The following FGF10 variants were observed in gnomAD, a reference collection of about 807,000 sequenced individuals.
The protein encoded by FGF10 is FGF-10.
Under a neutral mutation model 19.8 loss-of-function variants are expected in FGF10, and 2 were observed. That is an observed-to-expected ratio of 0.10 (90% confidence interval 0.04 to 0.32). The LOEUF is 0.32. FGF10 is among the 10% of genes least tolerant of loss of function. The probability of loss-of-function intolerance (pLI) is 1.00; values close to 1 mark genes in which losing one functional copy is unlikely to be tolerated. For missense variants in FGF10, 191 were observed against 246.3 expected, an observed-to-expected ratio of 0.78 and a Z score of 1.50; for synonymous variants, 112 against 94.0, an observed-to-expected ratio of 1.19 and a Z score of -1.10.
intron 1 of FGF10, among the ~76,000 whole-genome samples, chr5:44,337,969 T>C (rs1740891060): frequency 6.6e-6 from 1 of 152,088 alleles, no homozygotes; most frequent in African/African-American, 2.4e-5. Context: ...ACAATTATTA[T>C]GTGTAATGAT....
rs375182017 is a variant in FGF10 at position 44,376,744 on chromosome 5, A to G, written c.325+11614T>C. Among the ~76,000 whole-genome samples the G allele has an allele frequency of 2.0e-5, 3 of 151,994 alleles. No individual in the cohort carries two copies. The South Asian group carries it at 6.2e-4, about 31-fold the overall frequency. ...AACTCTTCTTTTCCATGTCCCTAGTATAAAATTAGTTCTTTTTTCTTTTGA... is the reference window on the plus strand; with the variant it reads ...AACTCTTCTTTTCCATGTCCCTAGTGTAAAATTAGTTCTTTTTTCTTTTGA... On this transcript the variant is annotated intron_variant, in intron 1 of 2. Coordinates refer to ENST00000264664, the MANE Select transcript of FGF10 (RefSeq NM_004465.2).
intron 1 of FGF10, among the ~76,000 whole-genome samples, chr5:44,343,355 T>C (rs1741013902): frequency 6.6e-6 from 1 of 151,984 alleles, no homozygotes; most frequent in Admixed American, 6.6e-5. Flanking sequence ...CCATAGGAAA[T>C]ACGACTGAAG....
At chr5:44,306,568 G>A (rs1260360373) in intron 2 of FGF10, among the ~76,000 whole-genome samples, 2 of 152,184 alleles carry the variant, frequency 1.3e-5, no homozygotes, top group African/African-American at 2.4e-5. Context: ...GTACTTGGCA[G>A]TTTCTCTCAC....
intron 1 of FGF10, among the ~76,000 whole-genome samples, chr5:44,333,579 C>A (rs986337123): frequency 6.6e-6 from 1 of 152,054 alleles, no homozygotes; most frequent in Non-Finnish European, 1.5e-5. Flanking sequence ...ATTATATTCT[C>A]CATTATATAC....
rs774897958 is a variant in FGF10, at chr5:44,304,972, G to A, written c.*23C>T. 1 of 1,609,204 alleles carries A rather than the reference G, an allele frequency of 6.2e-7. No homozygotes were observed. Among genetic ancestry groups the A allele is most frequent in the South Asian group, 1.1e-5 (1 of 90,940 alleles). On this transcript the variant is annotated 3_prime_UTR_variant, in exon 3 of 3. Coordinates refer to ENST00000264664, the MANE Select transcript of FGF10 (RefSeq NM_004465.2). ...TGGCAAAAGAGCCATTGGTTCTACT[G>A]CATCCACAAACGTTGCCTTCCTCTA...
chr5:44,375,834 G>T (rs1178461015), intron 1 of FGF10, among the ~76,000 whole-genome samples: 2 of 152,028 alleles, frequency 1.3e-5, no homozygotes, highest in Non-Finnish European at 2.9e-5. Context: ...ACTGGCCTAG[G>T]TTTTATCCTC....
In FGF10 at chr5:44,300,985, C is replaced by A. The variant is rs1256050518; in HGVS notation, c.*4010G>T. Among the ~76,000 whole-genome samples, 1 of 151,940 alleles carries A rather than the reference C, an allele frequency of 6.6e-6. No individual in the cohort carries two copies. Among genetic ancestry groups the A allele is most frequent in the Admixed American group, 6.6e-5 (1 of 15,222 alleles). On this transcript the variant is annotated 3_prime_UTR_variant, in exon 3 of 3. Transcript: ENST00000264664. ...GTAGACTAGAAGCAATCTGGCCTAA[C>A]CAAATAAAACCAATGAAGGGTAACA... is the stretch of plus-strand genomic sequence containing the variant.
intron 1 of FGF10, among the ~76,000 whole-genome samples, chr5:44,324,541 C>G (rs967140688): frequency 6.6e-6 from 1 of 152,028 alleles, no homozygotes; most frequent in African/African-American, 2.4e-5. Flanking sequence ...AAGAAAGACT[C>G]TCTTAATATT....
At chr5:44,368,671 T>G (rs1386893538) in intron 1 of FGF10, among the ~76,000 whole-genome samples, 2 of 152,174 alleles carry the variant, frequency 1.3e-5, no homozygotes, top group African/African-American at 4.8e-5. Context: ...GTCAATTTTT[T>G]TGTTGTTTTG....
At chr5:44,381,793 T>A (rs2111920573) in intron 1 of FGF10, among the ~76,000 whole-genome samples, 1 of 152,310 alleles carries the variant, frequency 6.6e-6, no homozygotes, top group Non-Finnish European at 1.5e-5. Flanking sequence ...AAGTTCTAAA[T>A]CTTGCAGCAA....
At chr5:44,375,239 T>C (rs1460846365) in intron 1 of FGF10, among the ~76,000 whole-genome samples, 1 of 152,134 alleles carries the variant, frequency 6.6e-6, no homozygotes, top group Non-Finnish European at 1.5e-5. Context: ...AAGTTTTCTG[T>C]TTATGAGGAA....
intron 1 of FGF10, among the ~76,000 whole-genome samples, chr5:44,358,529 T>C (rs182014712): frequency 1.6e-3 from 249 of 151,680 alleles, no homozygotes; most frequent in African/African-American, 5.9e-3. Flanking sequence ...GACAGCTAGC[T>C]GCTTTCTTGC....
chr5:44,388,363 G>A lies in FGF10; in HGVS notation c.320C>T (p.Pro107Leu), dbSNP rs200701392. 4 of 1,612,926 alleles carry A rather than the reference G, an allele frequency of 2.5e-6. No individual in the cohort carries two copies. In the South Asian group the frequency reaches 3.3e-5, roughly 13 times the overall value. The part of the protein sequence containing the change: ...KVSGTKKENC[P>L]YSILEITSVE... ...AGCATGCATTTGTTACTTACTGTAC[G>A]GGCAGTTCTCCTTCTTGGTCCCGCT... The change falls in exon 1 of 3, where the codon CCG (proline) becomes CTG (leucine). Residue 107 changes from proline to leucine, a missense_variant. Coordinates refer to ENST00000264664, the MANE Select transcript of FGF10 (RefSeq NM_004465.2).
At chr5:44,388,178 G>A (rs912752588) in intron 1 of FGF10, among the ~76,000 whole-genome samples, 180 bp downstream of exon 1, 1 of 151,682 alleles carries the variant, frequency 6.6e-6, no homozygotes, top group Non-Finnish European at 1.5e-5. Context: ...GAGGGGATGC[G>A]GCAGCACAAT....
chr5:44,338,291 T>C (rs1740896607), intron 1 of FGF10, among the ~76,000 whole-genome samples: 1 of 152,222 alleles, frequency 6.6e-6, no homozygotes, highest in Non-Finnish European at 1.5e-5. Context: ...GTTATTTTTA[T>C]TTTCTTTGTA....
intron 1 of FGF10, among the ~76,000 whole-genome samples, chr5:44,342,672 A>G (rs1740996663): frequency 1.3e-5 from 2 of 151,882 alleles, no homozygotes; most frequent in Non-Finnish European, 2.9e-5. Flanking sequence ...CCTTGCCCAC[A>G]CTAAAGTTCA....
intron 1 of FGF10, among the ~76,000 whole-genome samples, chr5:44,358,757 G>T (rs552383420): frequency 2.6e-5 from 4 of 151,594 alleles, no homozygotes; most frequent in African/African-American, 9.6e-5. Context: ...ATTAAAGCCA[G>T]ACATGTAGAC....
In FGF10 at chr5:44,307,650, C is replaced by T. The variant is rs557495580; in HGVS notation, c.430-2458G>A. Reference sequence around the variant, plus strand: ...CAAGTCAGATTTTTAGGAGGGCTTACGGAATTGATGGATACTGTATGAAAC... The same window carrying T: ...CAAGTCAGATTTTTAGGAGGGCTTATGGAATTGATGGATACTGTATGAAAC... On this transcript the variant is annotated intron_variant, in intron 2 of 2. Coordinates refer to ENST00000264664, the MANE Select transcript of FGF10 (RefSeq NM_004465.2). Among the ~76,000 whole-genome samples the T allele has an allele frequency of 1.2e-4, 19 of 152,034 alleles. No individual in the cohort carries two copies. In the East Asian group the frequency reaches 1.4e-3, roughly 11 times the overall value.
intron 1 of FGF10, among the ~76,000 whole-genome samples, chr5:44,348,120 T>C (rs1561209683): frequency 1.3e-5 from 2 of 151,708 alleles, no homozygotes; most frequent in Non-Finnish European, 2.9e-5. Context: ...CTGCCATCTC[T>C]CTATACCATG....
Sources: allele counts gnomAD v4.1 joint callset (sites outside exome capture counted in the v4.1 genomes callset), GRCh38; gene constraint gnomAD v4.1.1; transcripts MANE v1.5; gene names NCBI Gene and HGNC (gene_info 2026-07-23, HGNC 2026-07-21).